Variants in TRDMT1 observed in about 807,000 individuals in gnomAD.
TRDMT1 encodes the protein tRNA aspartic acid methyltransferase 1, also known as tRNA (cytosine(38)-C(5))-methyltransferase.
In TRDMT1, 49 loss-of-function variants were observed where a neutral mutation model predicts 51.2. The observed-to-expected ratio is 0.96, with a 90% CI of 0.76 to 1.21. The LOEUF (loss-of-function observed/expected upper bound fraction) is 1.21. TRDMT1 is among the 50% of genes most tolerant of loss of function. The pLI is 0.00. For synonymous variants in TRDMT1, 187 were observed against 164.6 expected (o/e 1.14, Z -1.04); for missense variants, 534 against 462.3 (o/e 1.16, Z -1.42).
intron 1 of TRDMT1, among the ~76,000 whole-genome samples, chr10:17,196,968 G>A (rs1670419140): frequency 6.6e-6 from 1 of 152,124 alleles, no homozygotes; most frequent in African/African-American, 2.4e-5. Context: ...AGCACTTCTG[G>A]CTTCCAGAAC....
intron 1 of TRDMT1, among the ~76,000 whole-genome samples, chr10:17,185,134 T>C (rs1194100538): frequency 6.6e-6 from 1 of 152,210 alleles, no homozygotes; most frequent in Non-Finnish European, 1.5e-5. Context: ...TGGACATCTT[T>C]GGGGATTACT....
rs35309958 is a variant in TRDMT1 at position 17,140,214 on chromosome 10, ATT to A, written c.*8824_*8825del. 0.019 allele frequency among the ~76,000 whole-genome samples: 2,459 copies of A among 131,208 alleles called. 71 individuals carry two copies. The highest frequency in any genetic ancestry group is 0.064 in the African/African-American group (2,190 of 34,448). The allele number at this position is 131,208 out of a possible 152,430, so 86.1% of individuals were successfully genotyped here. A position where few individuals can be genotyped will look rare whatever the true frequency, so the allele number is the denominator to read the frequency against. ...CAGGCACATGCCACCACATCCAGCT[ATT>A]TTTTTTTTTTTTTTGTACCTTTAGT... On this transcript the variant is annotated 3_prime_UTR_variant, in exon 11 of 11. Coordinates refer to ENST00000377799, the MANE Select transcript of TRDMT1 (RefSeq NM_004412.7).
chr10:17,184,154 CAT>C (rs1843615960), intron 1 of TRDMT1, among the ~76,000 whole-genome samples: 1 of 152,108 alleles, frequency 6.6e-6, no homozygotes, highest in African/African-American at 2.4e-5. Flanking sequence ...AATAGAAACA[CAT>C]GTGATGCAGT....
At chr10:17,181,358 T>C (rs906346535) in intron 1 of TRDMT1, among the ~76,000 whole-genome samples, 34 of 152,246 alleles carry the variant, frequency 2.2e-4, no homozygotes, top group African/African-American at 8.2e-4. Flanking sequence ...GTCACATTTT[T>C]CCCAGGACAG....
chr10:17,157,655 T>C lies in TRDMT1; in HGVS notation c.673A>G (p.Lys225Glu). The change falls in exon 8 of 11, where the codon AAA becomes GAA. Residue 225 changes from lysine (K) to glutamate (E), a missense_variant. Physicochemically the swap from Lys to Glu is moderately conservative, Grantham distance 56. Coordinates refer to ENST00000377799, the MANE Select transcript of TRDMT1 (RefSeq NM_004412.7). ...TCAAGCTTAAAAAGAATGGCATCTT[T>C]TCCAGAACACTGTATGCTGCCATCA... ...SFDGSIQCSG[K>E]DAILFKLETA... is the part of the protein sequence containing the mutation. 1 of 1,613,698 alleles carries C rather than the reference T, an allele frequency of 6.2e-7. No homozygotes were observed. The highest frequency in any genetic ancestry group is 1.1e-5 in the South Asian group (1 of 91,028).
At position 17,147,967 on chromosome 10, in the gene TRDMT1, T is replaced by C; in HGVS notation, c.*1073A>G. ...AACTTCCAATTTATCCACCTCTAAA[T>C]AGCTGATTTTTAAGAAGAAAAATTT... On this transcript the variant is annotated 3_prime_UTR_variant, in exon 11 of 11. Transcript: ENST00000377799. 4.1e-6 allele frequency: 4 copies of C among 981,626 alleles called. No individual in the cohort carries two copies. The highest frequency in any genetic ancestry group is 4.8e-6 in the Non-Finnish European group (4 of 826,428). The allele number at this position is 981,626 out of a possible 1,614,324, so 60.8% of individuals were successfully genotyped here.
intron 7 of TRDMT1, 34 bp from the exon 8 acceptor site, chr10:17,157,818 A>C (rs764280170): frequency 6.8e-7 from 1 of 1,474,966 alleles, no homozygotes; most frequent in Non-Finnish European, 9.1e-7. Flanking sequence ...AATTGTCAAA[A>C]GTTGCATTAA....
intron 8 of TRDMT1, among the ~76,000 whole-genome samples, chr10:17,156,631 C>G (rs1439462834): frequency 6.6e-6 from 1 of 151,984 alleles, no homozygotes; most frequent in Non-Finnish European, 1.5e-5. Flanking sequence ...CAAAGGAAGC[C>G]CTCTAAATGT....
intron 9 of TRDMT1, 106 bp downstream of exon 9, chr10:17,154,571 T>C: frequency 1.6e-6 from 1 of 615,796 alleles, no homozygotes; most frequent in Non-Finnish European, 2.5e-6. Context: ...ATAAAATATA[T>C]ATTCATGGCC....
At position 17,191,068 on chromosome 10, in the gene TRDMT1, GA is replaced by G. The variant is rs1844621898; in HGVS notation, c.64+10502del. ...GGAGAAGCACTTTCTAGGACAGAGA[GA>G]AGAGACACAGCAAAGGCCCAGAGAT... is the stretch of plus-strand genomic sequence containing the variant. On this transcript the variant is annotated intron_variant, in intron 1 of 10. Coordinates refer to ENST00000377799, the MANE Select transcript of TRDMT1 (RefSeq NM_004412.7). 3.3e-5 allele frequency among the ~76,000 whole-genome samples: 5 copies of G among 152,294 alleles called. No homozygotes were observed. The South Asian group carries it at 1.0e-3, about 32-fold the overall frequency.
Position 17,141,123 on chromosome 10 carries a change from C to T in TRDMT1, c.*7917G>A, listed in dbSNP as rs1327175305. On this transcript the variant is annotated 3_prime_UTR_variant, in exon 11 of 11. Transcript: ENST00000377799. ...CTACTGTCATCCAAATTGTGTCCCC[C>T]GCCCCATGGCAACGTGTCATTTTTC... is the stretch of plus-strand genomic sequence containing the variant. Among the ~76,000 whole-genome samples the T allele has an allele frequency of 1.3e-5, 2 of 152,312 alleles. No homozygotes were observed. Among genetic ancestry groups the T allele is most frequent in the South Asian group, 2.1e-4 (1 of 4,822 alleles).
rs1489849479 is a variant in TRDMT1, at chr10:17,138,192, TAGTCCCTTTTC to T, written c.*10837_*10847del. ...TTCAATCTGGCTTTTGTGCTTTTTT[TAGTCCCTTTTC>T]ATTTTCATATCAGTTTAAAACAGAA... On this transcript the variant is annotated 3_prime_UTR_variant, in exon 11 of 11. Transcript: ENST00000377799. Among the ~76,000 whole-genome samples the T allele has an allele frequency of 6.6e-6, 1 of 152,250 alleles. No individual in the cohort carries two copies. The highest frequency in any genetic ancestry group is 1.5e-5 in the Non-Finnish European group (1 of 68,044).
At chr10:17,156,421 G>C (rs1054271333) in intron 8 of TRDMT1, among the ~76,000 whole-genome samples, 2 of 151,990 alleles carry the variant, frequency 1.3e-5, no homozygotes, top group Non-Finnish European at 2.9e-5. Context: ...TCTTCGTACA[G>C]ACAGGGTTTC....
intron 1 of TRDMT1, among the ~76,000 whole-genome samples, chr10:17,193,756 T>C (rs1322071802): frequency 6.6e-6 from 1 of 152,166 alleles, no homozygotes; most frequent in Non-Finnish European, 1.5e-5. Flanking sequence ...ACAGATTCAG[T>C]GCTATTCCTG....
Position 17,140,871 on chromosome 10 carries a change from G to A in TRDMT1, c.*8169C>T, listed in dbSNP as rs181497358. On this transcript the variant is annotated 3_prime_UTR_variant, in exon 11 of 11. Transcript: ENST00000377799. ...TCACAGTTATAATCATTAGCTATAC[G>A]TTAGGTGTCTTCCTTTCATCTTTGA... Among the ~76,000 whole-genome samples the A allele has an allele frequency of 1.7e-3, 260 of 152,112 alleles. No individual in the cohort carries two copies. Among genetic ancestry groups the A allele is most frequent in the South Asian group, 0.011 (55 of 4,824 alleles).
In TRDMT1 at chr10:17,139,334, T is replaced by G. The variant is rs927847658; in HGVS notation, c.*9706A>C. ...GTCTGATTGCACTCAGACTTCAGCA[T>G]GAATGACAGAAGAAATGTAGGTGGT... On this transcript the variant is annotated 3_prime_UTR_variant, in exon 11 of 11. Transcript: ENST00000377799. The G allele has an allele frequency of 1.0e-5, 4 of 399,998 alleles. No homozygotes were observed. Among genetic ancestry groups the G allele is most frequent in the African/African-American group, 6.5e-5 (3 of 45,984 alleles). The allele number at this position is 399,998 out of a possible 1,614,324, so 24.8% of individuals were successfully genotyped here.
At chr10:17,195,204 C>T (rs7914746) in intron 1 of TRDMT1, among the ~76,000 whole-genome samples, 9,411 of 152,094 alleles carry the variant, frequency 0.062, 923 homozygotes, top group African/African-American at 0.21. Context: ...ATAGCAAAGA[C>T]GTGCCCATCA....
Position 17,148,120 on chromosome 10 carries a change from C to T in TRDMT1, c.*920G>A, listed in dbSNP as rs1030030842. 2 of 985,126 alleles carry T rather than the reference C, an allele frequency of 2.0e-6. No homozygotes were observed. Among genetic ancestry groups the T allele is most frequent in the African/African-American group, 3.5e-5 (2 of 57,156 alleles). 61.0% of individuals were successfully genotyped at this position (985,126 alleles called of 1,614,324 possible). A position where few individuals can be genotyped will look rare whatever the true frequency, so the allele number is the denominator to read the frequency against. On this transcript the variant is annotated 3_prime_UTR_variant, in exon 11 of 11. Transcript: ENST00000377799. ...TTAGTTTGATTAGAAACCCTAATTC[C>T]AAGAGGTCTGCTGAGGAAGAGAGAC...
intron 1 of TRDMT1, among the ~76,000 whole-genome samples, chr10:17,191,796 C>T (rs1314643172): frequency 6.6e-6 from 1 of 152,068 alleles, no homozygotes; most frequent in Non-Finnish European, 1.5e-5. Flanking sequence ...GGTCAAAAGT[C>T]CCCCCAAAGC....
Sources: allele counts gnomAD v4.1 joint callset (sites outside exome capture counted in the v4.1 genomes callset), GRCh38; gene constraint gnomAD v4.1.1; transcripts MANE v1.5; gene names NCBI Gene and HGNC (gene_info 2026-07-23, HGNC 2026-07-21).